Variants in GPSM2 observed in about 807,000 individuals in gnomAD.
GPSM2 encodes G protein signaling modulator 2, also known as G protein-signaling modulator 2.
GPSM2 carries 58 observed loss-of-function variants against 78.4 expected under a neutral mutation model. That is an observed-to-expected ratio of 0.74 (90% CI 0.60 to 0.92). GPSM2 has a LOEUF of 0.92. Among genes scored for constraint, GPSM2 ranks in the 40% least tolerant of loss-of-function variants. GPSM2 has a pLI of 0.00. For missense variants in GPSM2, 700 were observed against 815.5 expected, an observed-to-expected ratio of 0.86 and a Z score of 1.73; for synonymous variants, 224 against 280.2, an observed-to-expected ratio of 0.80 and a Z score of 2.00.
chr1:108,922,189 T>A (rs1254475545), intron 12 of GPSM2, among the ~76,000 whole-genome samples: 1 of 152,228 alleles, frequency 6.6e-6, no homozygotes, highest in Non-Finnish European at 1.5e-5. Context: ...TTCTGTTAAG[T>A]CTGTTTCTTT....
Position 108,932,351 on chromosome 1 carries a change from T to TATCTC in GPSM2, c.*2422_*2426dup, listed in dbSNP as rs750695812. 8.5e-5 allele frequency: 13 copies of TATCTC among 152,278 alleles called. No homozygotes were observed. Among genetic ancestry groups the TATCTC allele is most frequent in the South Asian group, 2.1e-4 (1 of 4,820 alleles). The allele number at this position is 152,278 out of a possible 1,614,324, so 9.4% of individuals were successfully genotyped here. A position where few individuals can be genotyped will look rare whatever the true frequency, so the allele number is the denominator to read the frequency against. On this transcript the variant is annotated 3_prime_UTR_variant, in exon 15 of 15. Transcript: ENST00000264126. Reference sequence around the variant, plus strand: ...TATTGGCTAGTCAATAAACAAGTCTTATCTCATCTCATCTCTTTTCTGATA... The same window carrying TATCTC: ...TATTGGCTAGTCAATAAACAAGTCTTATCTCATCTCATCTCATCTCTTTTCTGATA...
At chr1:108,883,127 A>T (rs1224995341) in intron 1 of GPSM2, among the ~76,000 whole-genome samples, 2 of 152,206 alleles carry the variant, frequency 1.3e-5, no homozygotes, top group East Asian at 3.8e-4. Context: ...AAGGGAAGAG[A>T]TAAGAGGAGT....
At position 108,931,733 on chromosome 1, in the gene GPSM2, T is replaced by G. The variant is rs1652009028; in HGVS notation, c.*1793T>G. ...AGCATTTTAAAAACTCAGGTAAGTT[T>G]CATGGGGTTCTTATAAGAAAATTCA... On this transcript the variant is annotated 3_prime_UTR_variant, in exon 15 of 15. Coordinates refer to ENST00000264126, the MANE Select transcript of GPSM2 (RefSeq NM_013296.5). 1 of 344,556 alleles carries G rather than the reference T, an allele frequency of 2.9e-6. No individual in the cohort carries two copies. Among genetic ancestry groups the G allele is most frequent in the African/African-American group, 2.1e-5 (1 of 46,750 alleles). The allele number at this position is 344,556 out of a possible 1,614,324, so 21.3% of individuals were successfully genotyped here.
chr1:108,912,604 G>A (rs1166660310), intron 10 of GPSM2, among the ~76,000 whole-genome samples: 3 of 151,384 alleles, frequency 2.0e-5, no homozygotes, highest in Non-Finnish European at 4.4e-5. Context: ...AATGGACATG[G>A]TGTTGCATGC....
intron 1 of GPSM2, chr1:108,882,487 A>C (rs1013749204): frequency 6.6e-6 from 1 of 152,204 alleles, no homozygotes; most frequent in African/African-American, 2.4e-5. Context: ...GAACAATGCC[A>C]AGGAAAAAAG....
intron 7 of GPSM2, among the ~76,000 whole-genome samples, chr1:108,900,255 T>TA (rs1024826342): frequency 1.5e-4 from 23 of 150,066 alleles, no homozygotes; most frequent in African/African-American, 4.4e-4. Flanking sequence ...TTTTTTTTTT[T>TA]AAATACGGAG....
chr1:108,898,104 G>C lies in GPSM2; in HGVS notation c.557+3G>C, dbSNP rs1648516404. 6.2e-7 allele frequency: 1 copy of C among 1,613,552 alleles called. No individual in the cohort carries two copies. Among genetic ancestry groups the C allele is most frequent in the Non-Finnish European group, 8.5e-7 (1 of 1,179,612 alleles). ...CAGGCAGCCGTGGATTTTTATGAGT[G>C]AGTAGGGGCTGATATGGGCAGTCAT... is the stretch of plus-strand genomic sequence containing the variant. On this transcript the variant is annotated splice_donor_region_variant and intron_variant, in intron 5 of 14. Transcript: ENST00000264126.
intron 11 of GPSM2, among the ~76,000 whole-genome samples, chr1:108,917,595 TAC>T (rs71593443): frequency 3.8e-4 from 22 of 57,282 alleles, no homozygotes; most frequent in East Asian, 7.4e-4. Flanking sequence ...AACAAATGTA[TAC>T]ACACACACAC....
intron 1 of GPSM2, among the ~76,000 whole-genome samples, chr1:108,878,238 T>C (rs1327747723): frequency 1.3e-5 from 2 of 152,174 alleles, no homozygotes; most frequent in Non-Finnish European, 2.9e-5. Flanking sequence ...TAGATCACTG[T>C]TGGTTGACAT....
chr1:108,918,719 C>G lies in GPSM2; in HGVS notation c.1370C>G (p.Thr457Arg). 5 of 1,613,154 alleles carry G rather than the reference C, an allele frequency of 3.1e-6. No individual in the cohort carries two copies. The highest frequency in any genetic ancestry group is 4.2e-6 in the Non-Finnish European group (5 of 1,179,234). ...AGACTGAAGGGGAAAAAATACAAAA[C>G]GAATTCCTCCACTAAAGTTCTCCAA... ...VNRLKGKKYKTNSSTKVLQDA... is the reference protein window; with the variant it reads ...VNRLKGKKYKRNSSTKVLQDA... Residue 457 changes from threonine (T) to arginine (R), a missense_variant, in exon 12 of 15, where the codon ACG (threonine) becomes AGG (arginine). Transcript: ENST00000264126.
At chr1:108,880,369 C>T (rs986313677) in intron 1 of GPSM2, among the ~76,000 whole-genome samples, 2 of 152,200 alleles carry the variant, frequency 1.3e-5, no homozygotes, top group Admixed American at 1.3e-4. Context: ...CCCAGGTGGG[C>T]GGATCACTTG....
chr1:108,924,345 A>G, intron 14 of GPSM2, 131 bp downstream of exon 14: 1 of 728,454 alleles, frequency 1.4e-6, no homozygotes. Context: ...ATTCAGTAAA[A>G]AATTATTGAA....
intron 11 of GPSM2, among the ~76,000 whole-genome samples, chr1:108,916,499 C>T (rs1213876851): frequency 6.6e-6 from 1 of 152,204 alleles, no homozygotes; most frequent in African/African-American, 2.4e-5. Context: ...AAATGTCCAG[C>T]TCTTCTCTGT....
intron 14 of GPSM2, among the ~76,000 whole-genome samples, chr1:108,928,988 C>CA (rs58261746): frequency 0.038 from 3,919 of 104,410 alleles, 119 homozygotes; most frequent in African/African-American, 0.087. Context: ...GAATCCGTCT[C>CA]AAAAAAAAAA....
chr1:108,890,468 T>A (rs1361715149), intron 2 of GPSM2, among the ~76,000 whole-genome samples: 1 of 152,196 alleles, frequency 6.6e-6, no homozygotes, highest in African/African-American at 2.4e-5. Flanking sequence ...TGGTTGCACT[T>A]TGCTATAGGA....
chr1:108,895,597 C>T (rs1287500895), intron 2 of GPSM2, among the ~76,000 whole-genome samples: 1 of 151,974 alleles, frequency 6.6e-6, no homozygotes, highest in African/African-American at 2.4e-5. Flanking sequence ...ACTGCACATT[C>T]GAGGGATCCA....
chr1:108,915,161 AG>A (rs1650085399), intron 11 of GPSM2, among the ~76,000 whole-genome samples: 3 of 151,878 alleles, frequency 2.0e-5, no homozygotes, highest in Admixed American at 6.6e-5. Context: ...TCACGAGGTC[AG>A]GAGATCGAGA....
Position 108,930,407 on chromosome 1 carries a change from G to GT in GPSM2, c.*476dup, listed in dbSNP as rs886045028. On this transcript the variant is annotated 3_prime_UTR_variant, in exon 15 of 15. Transcript: ENST00000264126. The stretch of plus-strand genomic sequence containing the variant: ...TAAAATAGTCTTACTAAAAATCTAG[G>GT]TTTTTTTTTCCTCCATGAAAATCTG... 31 of 152,318 alleles carry GT rather than the reference G, an allele frequency of 2.0e-4. No individual in the cohort carries two copies. The highest frequency in any genetic ancestry group is 4.1e-4 in the South Asian group (2 of 4,844). The allele number at this position is 152,318 out of a possible 1,614,324, so 9.4% of individuals were successfully genotyped here.
intron 2 of GPSM2, among the ~76,000 whole-genome samples, chr1:108,889,004 C>G (rs1048659455): frequency 6.6e-6 from 1 of 152,152 alleles, no homozygotes; most frequent in Non-Finnish European, 1.5e-5. Context: ...CATTCTGTAT[C>G]CAGCATGAAG....
Sources: allele counts gnomAD v4.1 joint callset (sites outside exome capture counted in the v4.1 genomes callset), GRCh38; gene constraint gnomAD v4.1.1; transcripts MANE v1.5; gene names NCBI Gene and HGNC (gene_info 2026-07-23, HGNC 2026-07-21).